Variants in RABGAP1 observed in about 807,000 individuals in gnomAD.
The protein encoded by RABGAP1 is RAB GTPase activating protein 1.
A neutral mutation model predicts 137.6 loss-of-function variants in RABGAP1; 23 were observed. The observed-to-expected ratio is 0.17, with a 90% confidence interval of 0.12 to 0.24. RABGAP1 has a LOEUF of 0.24. RABGAP1 is among the 10% of genes least tolerant of loss of function. RABGAP1 has a pLI of 1.00. For synonymous variants in RABGAP1, 451 were observed against 450.7 expected, an observed-to-expected ratio of 1.00 and a Z score of -0.01; for missense variants, 906 against 1,275.8, an observed-to-expected ratio of 0.71 and a Z score of 4.42.
rs1490360467 is a variant in RABGAP1, at chr9:122,999,211, C to T, written c.1374+445C>T. On this transcript the variant is annotated intron_variant, in intron 10 of 25. Transcript: ENST00000373647. ...TTTGTTTGTTTTTGAGATGAAGTCT[C>T]GCTCTGTCACCACCCAGGCTGGAGT... Among the ~76,000 whole-genome samples, 8 of 151,986 alleles carry T rather than the reference C, an allele frequency of 5.3e-5. No individual in the cohort carries two copies. The South Asian group carries it at 6.3e-4, about 12-fold the overall frequency.
chr9:122,940,527 T>C (rs1833486181), upstream of RABGAP1, among the ~76,000 whole-genome samples: 1 of 152,154 alleles, frequency 6.6e-6, no homozygotes, highest in Non-Finnish European at 1.5e-5. Context: ...TGAAATGAGA[T>C]AGCCACATAA....
chr9:123,101,401 C>T (rs1369244841), intron 24 of RABGAP1, among the ~76,000 whole-genome samples, 165 bp from the exon 25 acceptor site: 1 of 152,032 alleles, frequency 6.6e-6, no homozygotes, highest in African/African-American at 2.4e-5. Flanking sequence ...TACCAAGTGG[C>T]TTTTCCAGTA....
At chr9:123,076,978 TATA>T (rs2034530480) in intron 19 of RABGAP1, 1 of 202,160 alleles carries the variant, frequency 4.9e-6, no homozygotes, top group Non-Finnish European at 9.0e-6. Flanking sequence ...TCCTATATAT[TATA>T]ATCCTACGAA....
intron 19 of RABGAP1, among the ~76,000 whole-genome samples, chr9:123,079,263 A>C (rs143547048): frequency 0.017 from 2,252 of 134,864 alleles, 35 homozygotes; most frequent in South Asian, 0.069. Flanking sequence ...TTTTTGAGAC[A>C]GGGTCTCGCT....
intron 13 of RABGAP1, among the ~76,000 whole-genome samples, chr9:123,049,094 T>C (rs541629406): frequency 2.6e-4 from 40 of 152,364 alleles, no homozygotes; most frequent in African/African-American, 7.0e-4. Context: ...GAGCCATCTT[T>C]TCTGAGGAAG....
intron 2 of RABGAP1, among the ~76,000 whole-genome samples, chr9:122,961,802 T>G (rs143464489): frequency 6.6e-6 from 1 of 152,160 alleles, no homozygotes; most frequent in Non-Finnish European, 1.5e-5. Flanking sequence ...TAGTATATTG[T>G]TGGGCCTATG....
intron 10 of RABGAP1, among the ~76,000 whole-genome samples, chr9:123,007,420 T>C (rs914511943): frequency 7.1e-6 from 1 of 140,892 alleles, no homozygotes; most frequent in Non-Finnish European, 1.5e-5. Context: ...CTCTATTACA[T>C]AGGCTGGAGT....
chr9:123,042,116 G>A (rs1004169466), intron 13 of RABGAP1, among the ~76,000 whole-genome samples: 2 of 152,224 alleles, frequency 1.3e-5, no homozygotes, highest in African/African-American at 4.8e-5. Context: ...AAGAAAGTCT[G>A]TGTGTTAAAT....
intron 12 of RABGAP1, among the ~76,000 whole-genome samples, chr9:123,017,752 A>T (rs964009874): frequency 6.6e-6 from 1 of 152,232 alleles, no homozygotes; most frequent in Non-Finnish European, 1.5e-5. Context: ...CATAGAACTA[A>T]TGAATTTACC....
At chr9:122,941,119 C>T (rs1833526026) in intron 1 of RABGAP1, 26 bp downstream of exon 1, 1 of 152,326 alleles carries the variant, frequency 6.6e-6, no homozygotes, top group Non-Finnish European at 1.5e-5. Context: ...CCCTCCTCCT[C>T]CTCCCACCCT....
chr9:123,060,956 T>C (rs2033947845), intron 13 of RABGAP1, among the ~76,000 whole-genome samples: 1 of 152,228 alleles, frequency 6.6e-6, no homozygotes, highest in South Asian at 2.1e-4. Flanking sequence ...ATAAAATTAA[T>C]AACATGTTAG....
At chr9:123,037,396 G>A (rs1222645624) in intron 13 of RABGAP1, among the ~76,000 whole-genome samples, 1 of 152,108 alleles carries the variant, frequency 6.6e-6, no homozygotes, top group African/African-American at 2.4e-5. Context: ...TATGTTTAGT[G>A]TTAGCAAATT....
At chr9:123,001,434 G>A (rs1181506553) in intron 10 of RABGAP1, among the ~76,000 whole-genome samples, 2 of 151,970 alleles carry the variant, frequency 1.3e-5, no homozygotes, top group African/African-American at 2.4e-5. Flanking sequence ...TTTTTATTTC[G>A]ATAGCAAGAA....
At chr9:123,054,351 T>C (rs975547316) in intron 13 of RABGAP1, among the ~76,000 whole-genome samples, 1 of 152,232 alleles carries the variant, frequency 6.6e-6, no homozygotes, top group South Asian at 2.1e-4. Context: ...TAAGTTCTGG[T>C]GTGTGAAGTT....
At chr9:123,026,239 G>A (rs1324621798) in intron 13 of RABGAP1, among the ~76,000 whole-genome samples, 1 of 152,044 alleles carries the variant, frequency 6.6e-6, no homozygotes, top group African/African-American at 2.4e-5. Context: ...CAGGAGAATC[G>A]CTTGAACCCC....
At chr9:122,970,411 G>A (rs1410223221) in intron 2 of RABGAP1, among the ~76,000 whole-genome samples, 1 of 152,146 alleles carries the variant, frequency 6.6e-6, no homozygotes, top group Non-Finnish European at 1.5e-5. Flanking sequence ...AGCCACTGCA[G>A]TTCAGCCTGG....
chr9:122,942,127 A>G (rs576724117), intron 1 of RABGAP1, among the ~76,000 whole-genome samples: 1 of 152,370 alleles, frequency 6.6e-6, no homozygotes, highest in Admixed American at 6.5e-5. Context: ...TAAGTACACA[A>G]TAAGTGAGTT....
chr9:123,066,674 C>T (rs2034183210), intron 14 of RABGAP1, among the ~76,000 whole-genome samples: 1 of 152,160 alleles, frequency 6.6e-6, no homozygotes, highest in Non-Finnish European at 1.5e-5. Flanking sequence ...TGGGTGATCC[C>T]TTCTACCCCC....
chr9:122,943,169 G>A (rs1214611669), intron 1 of RABGAP1, among the ~76,000 whole-genome samples: 1 of 144,358 alleles, frequency 6.9e-6, no homozygotes, highest in East Asian at 2.3e-4. Context: ...CCGCCTCCTG[G>A]GTTCAAGGAA....
Sources: gnomAD v4.1 joint callset for allele counts (sites outside exome capture counted in the v4.1 genomes callset) on GRCh38, gnomAD v4.1.1 for gene constraint, MANE v1.5 for transcripts, NCBI Gene and HGNC (gene_info 2026-07-23, HGNC 2026-07-21) for gene names.